Variants in SMARCAL1 observed in about 807,000 individuals in gnomAD.
SMARCAL1 encodes the protein ATP-driven annealing helicase.
SMARCAL1 carries 58 observed loss-of-function variants against 94.5 expected under a neutral mutation model. The observed-to-expected ratio is 0.61, with a 90% CI of 0.50 to 0.76. The LOEUF (loss-of-function observed/expected upper bound fraction) is 0.76. Ranked by LOEUF, SMARCAL1 falls within the 30% of genes least tolerant of loss-of-function variation. SMARCAL1 has a pLI of 0.00. For missense variants in SMARCAL1, 1,051 were observed against 1,177.9 expected (o/e 0.89, Z 1.58); for synonymous variants, 422 against 455.1 (o/e 0.93, Z 0.93).
In SMARCAL1 at chr2:216,414,609, T is replaced by G. The variant is rs57403220; in HGVS notation, c.-58-38T>G. 779 of 1,039,546 alleles carry G rather than the reference T, an allele frequency of 7.5e-4. 4 individuals carry two copies. The African/African-American group carries it at 0.011, about 15-fold the overall frequency. 64.4% of individuals were successfully genotyped at this position (1,039,546 alleles called of 1,614,324 possible). A position where few individuals can be genotyped will look rare whatever the true frequency, so the allele number is the denominator to read the frequency against. Reference sequence around the variant, plus strand: ...TGGTTGGAGTATGACAATTAATACATGTAATGTTCATTTCATTCTTCTTAC... The same window carrying G: ...TGGTTGGAGTATGACAATTAATACAGGTAATGTTCATTTCATTCTTCTTAC... On this transcript the variant is annotated intron_variant, in intron 2 of 17. Transcript: ENST00000357276.
At chr2:216,417,528 A>G (rs1285840947) in intron 4 of SMARCAL1, among the ~76,000 whole-genome samples, 1 of 152,186 alleles carries the variant, frequency 6.6e-6, no homozygotes, top group African/African-American at 2.4e-5. Flanking sequence ...GAAGAACACC[A>G]GTCATTGGAT....
intron 6 of SMARCAL1, among the ~76,000 whole-genome samples, chr2:216,425,109 T>C (rs956408855): frequency 5.3e-5 from 8 of 152,214 alleles, no homozygotes; most frequent in Non-Finnish European, 8.8e-5. Flanking sequence ...GGGCTTGCTT[T>C]GCCCACTCGA....
At chr2:216,454,906 G>A (rs1001204728) in intron 12 of SMARCAL1, among the ~76,000 whole-genome samples, 6 of 152,222 alleles carry the variant, frequency 3.9e-5, no homozygotes, top group East Asian at 1.9e-4. Flanking sequence ...GCGAGGCATC[G>A]CCTCACCCAG....
At chr2:216,446,726 C>T (rs1199310254) in intron 10 of SMARCAL1, 3 of 564,350 alleles carry the variant, frequency 5.3e-6, no homozygotes, top group South Asian at 1.5e-5. Context: ...AAGGTGAATA[C>T]AGCCCAGTCC....
At chr2:216,462,513 G>A (rs547750566) in intron 12 of SMARCAL1, among the ~76,000 whole-genome samples, 1 of 152,326 alleles carries the variant, frequency 6.6e-6, no homozygotes, top group Admixed American at 6.5e-5. Flanking sequence ...AGCCACAGGT[G>A]AAAAGTTGTG....
At chr2:216,444,123 C>T (rs901377091) in intron 10 of SMARCAL1, among the ~76,000 whole-genome samples, 1 of 152,210 alleles carries the variant, frequency 6.6e-6, no homozygotes, top group Non-Finnish European at 1.5e-5. Flanking sequence ...GCTTCAATGT[C>T]CCTGCCACAT....
At chr2:216,436,481 C>T (rs1027355975) in intron 9 of SMARCAL1, among the ~76,000 whole-genome samples, 11 of 152,158 alleles carry the variant, frequency 7.2e-5, no homozygotes, top group South Asian at 2.1e-4. Context: ...GAGAAGATAC[C>T]GTTACTGACC....
rs200566186 is a variant in SMARCAL1, at chr2:216,432,757, C to G, written c.1374C>G (p.Asp458Glu). 3 of 1,614,162 alleles carry G rather than the reference C, an allele frequency of 1.9e-6. No homozygotes were observed. The highest frequency in any genetic ancestry group is 2.5e-6 in the Non-Finnish European group (3 of 1,180,036). ...AAGGAGGCCGCCTGCTGCTCGCTGA[C>G]GACATGGGCCTGGGGAAGACCATCC... ...IAKGGRLLLA[D>E]DMGLGKTIQA... The change falls in exon 8 of 18, where the codon GAC becomes GAG. Residue 458 changes from aspartate (D) to glutamate (E), a missense_variant. Asp to Glu is a conservative substitution (Grantham distance 45). This residue lies in a region of SMARCAL1 where 642 missense variants were observed against 754.7 expected (regional missense o/e 0.85). Coordinates refer to ENST00000357276, the MANE Select transcript of SMARCAL1 (RefSeq NM_014140.4).
chr2:216,449,678 C>T (rs904311615), intron 11 of SMARCAL1, among the ~76,000 whole-genome samples: 3 of 152,242 alleles, frequency 2.0e-5, no homozygotes, highest in Admixed American at 2.0e-4. Flanking sequence ...GAAAACCTAG[C>T]CCCTACCCTC....
intron 2 of SMARCAL1, 106 bp downstream of exon 2, chr2:216,413,998 T>G (rs1693526092): frequency 6.6e-6 from 1 of 152,286 alleles, no homozygotes; most frequent in African/African-American, 2.4e-5. Context: ...CATAACTTTC[T>G]TAGGTTCTGA....
rs761546902 is a variant in SMARCAL1, at chr2:216,420,297, A to G, written c.863-2A>G. 82 of 1,612,504 alleles carry G rather than the reference A, an allele frequency of 5.1e-5. No homozygotes were observed. Among genetic ancestry groups the G allele is most frequent in the Admixed American group, 1.7e-5 (1 of 59,948 alleles). On this transcript the variant is annotated splice_acceptor_variant, in intron 4 of 17. Coordinates refer to ENST00000357276, the MANE Select transcript of SMARCAL1 (RefSeq NM_014140.4). LOFTEE classifies it high-confidence loss of function. The stretch of plus-strand genomic sequence containing the variant: ...TTCTGTTCGATTCTTCTTCTTTGGC[A>G]GTGAAAGCAGCCCAGAGCCTCCCCA...
At chr2:216,451,343 C>T (rs942879531) in intron 12 of SMARCAL1, 9 of 449,816 alleles carry the variant, frequency 2.0e-5, no homozygotes, top group Middle Eastern at 6.5e-4. Flanking sequence ...ATCAATATTC[C>T]GAATCCCTCA....
At position 216,473,144 on chromosome 2, in the gene SMARCAL1, G is replaced by A. The variant is rs555901306; in HGVS notation, c.2245-2125G>A. 3.6e-4 allele frequency among the ~76,000 whole-genome samples: 54 copies of A among 151,640 alleles called. 1 individual carries two copies. The highest frequency in any genetic ancestry group is 1.3e-3 in the African/African-American group (52 of 41,258). On this transcript the variant is annotated intron_variant, in intron 14 of 17. Coordinates refer to ENST00000357276, the MANE Select transcript of SMARCAL1 (RefSeq NM_014140.4). ...CCCCAGAGTTTTCCTTTGTAATCAC[G>A]CCCTCCTGCCCCTTCCCTCACCCTC...
At chr2:216,454,536 C>CT (rs899277959) in intron 12 of SMARCAL1, among the ~76,000 whole-genome samples, 19 of 152,096 alleles carry the variant, frequency 1.2e-4, no homozygotes, top group African/African-American at 3.9e-4. Flanking sequence ...ACTCATTTGA[C>CT]TTTTTTTGCC....
intron 12 of SMARCAL1, among the ~76,000 whole-genome samples, chr2:216,457,349 T>G (rs1694589713): frequency 6.6e-6 from 1 of 152,220 alleles, no homozygotes; most frequent in Non-Finnish European, 1.5e-5. Context: ...CTAATAGACA[T>G]CTACAGAACT....
In SMARCAL1 at chr2:216,482,847, C is replaced by T. The variant is rs763670564; in HGVS notation, c.2735C>T (p.Ser912Leu). ...AAESFDPGSASGTSGSSSQNM... is the reference protein window; with the variant it reads ...AAESFDPGSALGTSGSSSQNM... ...GAGTCCTTTGACCCAGGAAGTGCTT[C>T]AGGAACATCTGGAAGTAGTTCCCAG... The change falls in exon 18 of 18, where the codon TCA becomes TTA. Residue 912 changes from serine to leucine, a missense_variant. This residue lies in a region of SMARCAL1 where 642 missense variants were observed against 754.7 expected (regional missense o/e 0.85). Transcript: ENST00000357276. The surrounding 1 kb of genome is among the most constrained non-coding windows in gnomAD (Gnocchi z 4.3). The T allele has an allele frequency of 1.5e-4, 247 of 1,614,030 alleles. No homozygotes were observed. The highest frequency in any genetic ancestry group is 2.0e-4 in the Non-Finnish European group (240 of 1,180,044).
At chr2:216,415,887 T>TCAAC in intron 3 of SMARCAL1, 3 of 376,864 alleles carry the variant, frequency 8.0e-6, no homozygotes, top group East Asian at 6.0e-5. Flanking sequence ...CAGGCCCAGT[T>TCAAC]TCATTGGTCT....
chr2:216,416,764 G>C lies in SMARCAL1; in HGVS notation c.862+457G>C, dbSNP rs535097592. Among the ~76,000 whole-genome samples, 3 of 152,282 alleles carry C rather than the reference G, an allele frequency of 2.0e-5. No homozygotes were observed. The South Asian group carries it at 6.2e-4, about 32-fold the overall frequency. ...CAGCTCAGGCAGCCTGCCAGCCCCT[G>C]CTCCCAGGAAGGTAACAGTTCAGCA... On this transcript the variant is annotated intron_variant, in intron 4 of 17. Coordinates refer to ENST00000357276, the MANE Select transcript of SMARCAL1 (RefSeq NM_014140.4).
rs1360338749 is a variant in SMARCAL1 at position 216,414,893 on chromosome 2, G to A, written c.189G>A (p.Lys63=). 12 of 1,614,076 alleles carry A rather than the reference G, an allele frequency of 7.4e-6. No individual in the cohort carries two copies. Among genetic ancestry groups the A allele is most frequent in the Middle Eastern group, 3.3e-4 (2 of 6,084 alleles). The change falls in exon 3 of 18, where the codon AAG becomes AAA. Residue 63 remains lysine, a synonymous_variant. Transcript: ENST00000357276. ...AAAATTTCCCAAGGGAGTCTTGTAA[G>A]CCAGTGAGCCATGGTGTCATTTTCA... ...PSQNFPRESC[K]PVSHGVIFKQ...
Sources: gnomAD v4.1 joint callset for allele counts (sites outside exome capture counted in the v4.1 genomes callset) on GRCh38, gnomAD v4.1.1 for gene constraint, gnomAD v4.1.1 regional missense constraint, Gnocchi (gnomAD v3.1) non-coding constraint, MANE v1.5 for transcripts, NCBI Gene and HGNC (gene_info 2026-07-23, HGNC 2026-07-21) for gene names.